Variants in RASA3 observed in about 807,000 individuals in gnomAD.
RASA3 encodes ras GTPase-activating protein 3.
Under a neutral mutation model 110.0 loss-of-function variants are expected in RASA3, and 73 were observed. The ratio of observed to expected loss-of-function variants is 0.66; its 90% confidence interval spans 0.55 to 0.81. The LOEUF (loss-of-function observed/expected upper bound fraction) is 0.81. Among genes scored for constraint, RASA3 ranks in the 30% least tolerant of loss-of-function variants. RASA3 has a pLI of 0.00. For synonymous variants in RASA3, 500 were observed against 451.4 expected, an observed-to-expected ratio of 1.11 and a Z score of -1.37; for missense variants, 976 against 1,113.2, an observed-to-expected ratio of 0.88 and a Z score of 1.75.
intron 3 of RASA3, among the ~76,000 whole-genome samples, chr13:114,051,704 G>A (rs1944715982): frequency 6.6e-6 from 1 of 151,006 alleles, no homozygotes; most frequent in African/African-American, 2.4e-5. Flanking sequence ...ACGTGGTGAG[G>A]AGGGAGGCCC....
chr13:114,056,512 C>A lies in RASA3; in HGVS notation c.174-4357G>T, dbSNP rs1005816559. 5 of 985,022 alleles carry A rather than the reference C, an allele frequency of 5.1e-6. No individual in the cohort carries two copies. The highest frequency in any genetic ancestry group is 3.5e-5 in the African/African-American group (2 of 57,120). The allele number at this position is 985,022 out of a possible 1,614,324, so 61.0% of individuals were successfully genotyped here. On this transcript the variant is annotated intron_variant, in intron 2 of 23. Coordinates refer to ENST00000334062, the MANE Select transcript of RASA3 (RefSeq NM_007368.4). The surrounding 1 kb of genome is among the most constrained non-coding windows in gnomAD (Gnocchi z 5.7). ...GGCGTCCCTGGGCGCTGCCCGGTAG[C>A]GGGGTGTTCAGTTGCTCTGCCAAAG...
intron 1 of RASA3, among the ~76,000 whole-genome samples, chr13:114,124,076 G>T (rs1044095239): frequency 6.6e-6 from 1 of 152,066 alleles, no homozygotes. Context: ...CCAGAAGCCC[G>T]GCACGGTGTC....
intron 1 of RASA3, among the ~76,000 whole-genome samples, chr13:114,129,315 C>T (rs917966996): frequency 6.6e-5 from 10 of 152,216 alleles, no homozygotes; most frequent in African/African-American, 1.9e-4. Context: ...AATGATTCCA[C>T]AAAACTGAAA....
chr13:114,056,393 C>T lies in RASA3; in HGVS notation c.174-4238G>A. On this transcript the variant is annotated intron_variant, in intron 2 of 23. Coordinates refer to ENST00000334062, the MANE Select transcript of RASA3 (RefSeq NM_007368.4). The surrounding 1 kb of genome is among the most constrained non-coding windows in gnomAD (Gnocchi z 5.7). The stretch of plus-strand genomic sequence containing the variant: ...TGGCATTTAACCCTGCACACTTCCT[C>T]ACCACCCTGATGCACAGGGTGGGAA... 1.0e-6 allele frequency: 1 copy of T among 956,540 alleles called. No individual in the cohort carries two copies. The highest frequency in any genetic ancestry group is 4.8e-5 in the South Asian group (1 of 20,704). The allele number at this position is 956,540 out of a possible 1,614,324, so 59.3% of individuals were successfully genotyped here. A position where few individuals can be genotyped will look rare whatever the true frequency, so the allele number is the denominator to read the frequency against.
At chr13:114,049,877 C>G (rs991484071) in intron 3 of RASA3, among the ~76,000 whole-genome samples, 1 of 152,236 alleles carries the variant, frequency 6.6e-6, no homozygotes, top group Non-Finnish European at 1.5e-5. Flanking sequence ...AGAACCACAA[C>G]CAACGAGTGG....
At chr13:114,009,564 A>G in intron 16 of RASA3, 100 bp from the exon 17 acceptor site, 1 of 812,998 alleles carries the variant, frequency 1.2e-6, no homozygotes, top group Non-Finnish European at 2.0e-6. Context: ...AGCCTAAATG[A>G]CGATAAACAG....
At chr13:114,117,347 AGCACGTGTGTGAGGGGT>A (rs1204293436) in intron 1 of RASA3, among the ~76,000 whole-genome samples, 71 of 59,860 alleles carry the variant, frequency 1.2e-3, no homozygotes, top group Non-Finnish European at 2.0e-3. Context: ...GTGTGAGGAG[AGCACGTGTGTGAGGGGT>A]GCACGTGTGT....
rs1312743453 is a variant in RASA3 at position 114,043,788 on chromosome 13, G to A, written c.278-2694C>T. 2.6e-5 allele frequency among the ~76,000 whole-genome samples: 4 copies of A among 151,210 alleles called. No homozygotes were observed. The South Asian group carries it at 6.3e-4, about 24-fold the overall frequency. ...TGGCCTCTAATGGCGCAGACCACGAGGGTGGACGACAGCCAGGACACCTCC... is the reference window on the plus strand; with the variant it reads ...TGGCCTCTAATGGCGCAGACCACGAAGGTGGACGACAGCCAGGACACCTCC... On this transcript the variant is annotated intron_variant, in intron 3 of 23. Coordinates refer to ENST00000334062, the MANE Select transcript of RASA3 (RefSeq NM_007368.4).
At position 114,011,345 on chromosome 13, in the gene RASA3, C is replaced by T; in HGVS notation, c.1513-97G>A. On this transcript the variant is annotated intron_variant, in intron 15 of 23. Transcript: ENST00000334062. This position sits in a 1 kb window ranked among gnomAD's most constrained non-coding sequence, Gnocchi z 4.8. ...ACGAAATGCAGGAGTCACCTCAGAG[C>T]TGCTGTGGCTTGTGCATGAGCTACG... The T allele has an allele frequency of 9.3e-7, 1 of 1,075,216 alleles. No homozygotes were observed. Among genetic ancestry groups the T allele is most frequent in the Middle Eastern group, 2.6e-4 (1 of 3,890 alleles). The allele number at this position is 1,075,216 out of a possible 1,614,324, so 66.6% of individuals were successfully genotyped here.
intron 2 of RASA3, among the ~76,000 whole-genome samples, chr13:114,066,340 G>A (rs1375168928): frequency 6.6e-6 from 1 of 152,212 alleles, no homozygotes. Flanking sequence ...GTGAGGCCCT[G>A]GTGGGAAAAG....
intron 18 of RASA3, among the ~76,000 whole-genome samples, chr13:114,002,479 CT>C (rs1426555842): frequency 6.6e-6 from 1 of 151,912 alleles, no homozygotes; most frequent in African/African-American, 2.4e-5. Context: ...AGGGCGGGGC[CT>C]ACACAGACGG....
intron 21 of RASA3, among the ~76,000 whole-genome samples, chr13:113,993,166 G>T (rs1181587848): frequency 6.6e-6 from 1 of 152,130 alleles, no homozygotes; most frequent in Non-Finnish European, 1.5e-5. Flanking sequence ...CTGTGTGCTT[G>T]TTTCCCTGCT....
intron 20 of RASA3, among the ~76,000 whole-genome samples, chr13:113,997,927 G>A (rs979078154): frequency 2.0e-5 from 3 of 151,458 alleles, no homozygotes; most frequent in Non-Finnish European, 3.0e-5. Context: ...GGACGCCCCC[G>A]TGCATGGCTG....
At chr13:114,108,729 C>G (rs887752959) in intron 1 of RASA3, 1 of 152,098 alleles carries the variant, frequency 6.6e-6, no homozygotes, top group Non-Finnish European at 1.5e-5. Context: ...GACGACACAG[C>G]CCTCAGCTTG....
Position 114,057,659 on chromosome 13 carries a change from C to G in RASA3, c.174-5504G>C, listed in dbSNP as rs967130820. Among the ~76,000 whole-genome samples the G allele has an allele frequency of 5.9e-5, 9 of 152,188 alleles. No homozygotes were observed. The highest frequency in any genetic ancestry group is 2.2e-4 in the African/African-American group (9 of 41,446). ...ATAGCCAGGGAGCCCTGAAGAAACT[C>G]CTGGAAGAATGTAAAACCCCCAGCT... On this transcript the variant is annotated intron_variant, in intron 2 of 23. Transcript: ENST00000334062. This position sits in a 1 kb window ranked among gnomAD's most constrained non-coding sequence, Gnocchi z 5.0.
chr13:113,995,025 T>C (rs2053199726), intron 21 of RASA3, among the ~76,000 whole-genome samples: 2 of 152,348 alleles, frequency 1.3e-5, no homozygotes, highest in South Asian at 2.1e-4. Flanking sequence ...TGAGGCTGGC[T>C]GTGGGTGTGC....
At chr13:114,101,964 G>A (rs2080065332) in intron 1 of RASA3, among the ~76,000 whole-genome samples, 2 of 152,200 alleles carry the variant, frequency 1.3e-5, no homozygotes, top group South Asian at 4.1e-4. Flanking sequence ...AAAGTGGGGA[G>A]CGGGGGTCTC....
intron 8 of RASA3, among the ~76,000 whole-genome samples, chr13:114,022,804 C>T (rs2053953726): frequency 6.6e-6 from 1 of 152,178 alleles, no homozygotes; most frequent in South Asian, 2.1e-4. Context: ...GACTTCACTC[C>T]TGAATTCAAA....
intron 1 of RASA3, among the ~76,000 whole-genome samples, chr13:114,088,573 C>T (rs997345011): frequency 2.7e-4 from 38 of 140,922 alleles, no homozygotes; most frequent in Admixed American, 2.1e-3. Context: ...TTTTTTGAGA[C>T]GGAGTTTCAC....
Sources: gnomAD v4.1 joint callset for allele counts (sites outside exome capture counted in the v4.1 genomes callset) on GRCh38, gnomAD v4.1.1 for gene constraint, Gnocchi (gnomAD v3.1) non-coding constraint, MANE v1.5 for transcripts, NCBI Gene and HGNC (gene_info 2026-07-23, HGNC 2026-07-21) for gene names.